Variants in GRIA3 observed in about 807,000 individuals in gnomAD.
GRIA3 encodes the protein glutamate ionotropic receptor AMPA type subunit 3, also known as glutamate receptor 3.
A neutral mutation model predicts 63.0 loss-of-function variants in GRIA3; 3 were observed. The observed-to-expected ratio is 0.05, with a 90% CI of 0.02 to 0.12. The LOEUF is 0.12. Ranked by LOEUF, GRIA3 falls within the 10% of genes least tolerant of loss-of-function variation. The probability of loss-of-function intolerance (pLI) is 1.00; values close to 1 mark genes in which losing one functional copy is unlikely to be tolerated. For synonymous variants in GRIA3, 274 were observed against 257.9 expected (o/e 1.06, Z -0.60); for missense variants, 347 against 700.9 (o/e 0.50, Z 5.70).
chrX:123,300,860 T>A (rs758469612), intron 3 of GRIA3, among the ~76,000 whole-genome samples: 1 of 111,197 alleles, frequency 9.0e-6, no homozygotes, highest in African/African-American at 3.3e-5. Flanking sequence ...GATTCTGATA[T>A]GTTGTATCTT....
At chrX:123,410,856 G>C (rs1412070872) in intron 10 of GRIA3, among the ~76,000 whole-genome samples, 1 of 111,655 alleles carries the variant, frequency 9.0e-6, no homozygotes, top group Non-Finnish European at 1.9e-5. Context: ...TCCAGCTACA[G>C]AGACACTTTT....
intron 13 of GRIA3, 139 bp downstream of exon 13, chrX:123,465,251 T>C: frequency 1.7e-6 from 1 of 592,227 alleles, no homozygotes; most frequent in Non-Finnish European, 2.7e-6. Flanking sequence ...TGGAGTTAAA[T>C]AAGACGGTAA....
At chrX:123,390,474 C>A (rs2045380022) in intron 5 of GRIA3, among the ~76,000 whole-genome samples, 1 of 111,700 alleles carries the variant, frequency 9.0e-6, no homozygotes, top group Non-Finnish European at 1.9e-5. Context: ...GCAGCCCATT[C>A]TCTCCTGGCC....
At position 123,206,017 on chromosome X, in the gene GRIA3, C is replaced by T. The variant is rs1159338686; in HGVS notation, c.268+20027C>T. 2.7e-5 allele frequency among the ~76,000 whole-genome samples: 3 copies of T among 111,346 alleles called. No homozygotes were observed. In the East Asian group the frequency reaches 8.4e-4, roughly 31 times the overall value. On this transcript the variant is annotated intron_variant, in intron 2 of 15. Coordinates refer to ENST00000620443, the MANE Select transcript of GRIA3 (RefSeq NM_007325.5). Reference sequence around the variant, plus strand: ...AAAGATGGTCGTGGGGGAGGGTTTCCACTTTAGAAAGATATCCACTATCTC... The same window carrying T: ...AAAGATGGTCGTGGGGGAGGGTTTCTACTTTAGAAAGATATCCACTATCTC...
rs147879841 is a variant in GRIA3 at position 123,366,224 on chromosome X, G to A, written c.750+11261G>A. ...GTGACTTAGAATGCCTAACCACCTC[G>A]GAATGCAGCCCAGTAGGTCTCAGCC... is the stretch of plus-strand genomic sequence containing the variant. On this transcript the variant is annotated intron_variant, in intron 5 of 15. Transcript: ENST00000620443. 2.5e-3 allele frequency among the ~76,000 whole-genome samples: 276 copies of A among 111,209 alleles called. 2 individuals carry two copies. The East Asian group carries it at 0.04, about 16-fold the overall frequency.
intron 3 of GRIA3, among the ~76,000 whole-genome samples, chrX:123,258,057 G>A (rs1360357048): frequency 1.8e-5 from 2 of 112,385 alleles, no homozygotes; most frequent in East Asian, 5.6e-4. Context: ...ATGAGGTTAA[G>A]TGTGTTGTCT....
chrX:123,248,778 C>G (rs951397037), intron 2 of GRIA3, among the ~76,000 whole-genome samples: 1 of 111,075 alleles, frequency 9.0e-6, no homozygotes, highest in Non-Finnish European at 1.9e-5. Context: ...AAGAGCAAAA[C>G]TCCATCTCAA....
intron 3 of GRIA3, among the ~76,000 whole-genome samples, chrX:123,259,396 C>T (rs2044437295): frequency 9.2e-6 from 1 of 109,189 alleles, no homozygotes; most frequent in South Asian, 4.1e-4. Flanking sequence ...GCACAAAATA[C>T]CTCTCTCTCT....
At chrX:123,200,608 T>TACACAC (rs200626306) in intron 2 of GRIA3, among the ~76,000 whole-genome samples, 2,648 of 76,313 alleles carry the variant, frequency 0.035, 110 homozygotes, top group African/African-American at 0.099. Flanking sequence ...CACACATACA[T>TACACAC]ACACACACAC....
intron 12 of GRIA3, among the ~76,000 whole-genome samples, chrX:123,449,692 G>A (rs1015446297): frequency 1.8e-5 from 2 of 112,191 alleles, no homozygotes; most frequent in African/African-American, 6.5e-5. Context: ...GAGAGCCACA[G>A]GAGAAGGTGA....
intron 3 of GRIA3, among the ~76,000 whole-genome samples, chrX:123,283,517 A>C (rs1024658172): frequency 9.0e-6 from 1 of 111,634 alleles, no homozygotes; most frequent in African/African-American, 3.3e-5. Flanking sequence ...CGCTGCCAGC[A>C]CAGCACTCTG....
At chrX:123,394,635 A>T (rs1338682403) in intron 5 of GRIA3, among the ~76,000 whole-genome samples, 1 of 112,441 alleles carries the variant, frequency 8.9e-6, no homozygotes, top group Non-Finnish European at 1.9e-5. Flanking sequence ...TACATAAAGC[A>T]TTGTATTTGT....
chrX:123,380,312 C>T (rs1225255136), intron 5 of GRIA3, among the ~76,000 whole-genome samples: 1 of 112,007 alleles, frequency 8.9e-6, no homozygotes, highest in Non-Finnish European at 1.9e-5. Flanking sequence ...CCTGTTGTTT[C>T]CCGACTTTTT....
intron 3 of GRIA3, among the ~76,000 whole-genome samples, chrX:123,283,555 T>TG (rs1356279878): frequency 9.1e-6 from 1 of 110,210 alleles, no homozygotes; most frequent in African/African-American, 3.3e-5. Flanking sequence ...TGGAGCTTGG[T>TG]GGGGGGAGGG....
intron 5 of GRIA3, 34 bp from the exon 6 acceptor site, chrX:123,394,934 T>A: frequency 9.3e-7 from 1 of 1,080,323 alleles, no homozygotes; most frequent in Non-Finnish European, 1.3e-6. Flanking sequence ...ACATACAACT[T>A]CCCACAATCA....
chrX:123,356,471 G>A (rs1386035116), intron 5 of GRIA3, among the ~76,000 whole-genome samples: 9 of 110,815 alleles, frequency 8.1e-5, no homozygotes, highest in South Asian at 3.9e-4. Flanking sequence ...GGTAGTATAC[G>A]CACGCAAACT....
At chrX:123,448,110 T>C (rs1220720680) in intron 12 of GRIA3, among the ~76,000 whole-genome samples, 2 of 112,525 alleles carry the variant, frequency 1.8e-5, no homozygotes, top group African/African-American at 3.2e-5. Context: ...CTGCTCTTTT[T>C]GAAATAAAGT....
At chrX:123,343,727 C>T (rs2045024901) in intron 4 of GRIA3, among the ~76,000 whole-genome samples, 1 of 108,668 alleles carries the variant, frequency 9.2e-6, no homozygotes, top group South Asian at 4.1e-4. Flanking sequence ...CCTTGACCTC[C>T]TAGTCTCAAG....
chrX:123,247,188 C>T (rs1313344145), intron 2 of GRIA3, among the ~76,000 whole-genome samples: 1 of 112,307 alleles, frequency 8.9e-6, no homozygotes, highest in Non-Finnish European at 1.9e-5. Flanking sequence ...CAGCAAGAGA[C>T]TTCAGTTTCC....
Sources: allele counts gnomAD v4.1 joint callset (sites outside exome capture counted in the v4.1 genomes callset), GRCh38; gene constraint gnomAD v4.1.1; transcripts MANE v1.5; gene names NCBI Gene and HGNC (gene_info 2026-07-23, HGNC 2026-07-21).